The following WWOX variants were observed in gnomAD, a reference collection of about 807,000 sequenced individuals.
WWOX encodes WW domain-containing oxidoreductase.
A neutral mutation model predicts 46.2 loss-of-function variants in WWOX; 69 were observed. The ratio of observed to expected loss-of-function variants is 1.49; its 90% CI spans 1.23 to 1.82. WWOX has a LOEUF of 1.82. Among genes scored for constraint, WWOX ranks in the 40% most tolerant of loss-of-function variants. The pLI is 0.00. For synonymous variants in WWOX, 359 were observed against 202.6 expected, an observed-to-expected ratio of 1.77 and a Z score of -6.56; for missense variants, 919 against 542.6, an observed-to-expected ratio of 1.69 and a Z score of -6.89.
At chr16:78,649,962 C>G (rs1351142370) in intron 8 of WWOX, among the ~76,000 whole-genome samples, 1 of 151,594 alleles carries the variant, frequency 6.6e-6, no homozygotes, top group African/African-American at 2.4e-5. Flanking sequence ...TTTCTCTTAT[C>G]TGTAATTCTA....
chr16:78,249,258 C>T (rs2037914460), intron 5 of WWOX, among the ~76,000 whole-genome samples: 1 of 152,122 alleles, frequency 6.6e-6, no homozygotes, highest in Non-Finnish European at 1.5e-5. Context: ...CCAGGAAGTC[C>T]GCCTCCAGAG....
At chr16:79,032,328 ATAT>A (rs2047779103) in intron 8 of WWOX, among the ~76,000 whole-genome samples, 1 of 146,430 alleles carries the variant, frequency 6.8e-6, no homozygotes, top group African/African-American at 2.5e-5. Context: ...TCTATATATT[ATAT>A]TATAATGTAT....
At chr16:78,322,576 T>A (rs1409067305) in intron 5 of WWOX, among the ~76,000 whole-genome samples, 1 of 152,202 alleles carries the variant, frequency 6.6e-6, no homozygotes, top group Non-Finnish European at 1.5e-5. Flanking sequence ...TCAGTGAGTG[T>A]GAGAGGTACA....
rs1365838758 is a variant in WWOX, at chr16:78,334,927, A to T, written c.517-51933A>T. On this transcript the variant is annotated intron_variant, in intron 5 of 8. Coordinates refer to ENST00000566780, the MANE Select transcript of WWOX (RefSeq NM_016373.4). ...TTGAGGAGATACCATCTTTTTTTAA[A>T]AAAAAAAAAAAGGCAGCAAAATGTG... Among the ~76,000 whole-genome samples the T allele has an allele frequency of 5.3e-4, 68 of 129,090 alleles. 1 individual carries two copies. Among genetic ancestry groups the T allele is most frequent in the African/African-American group, 2.6e-3 (62 of 23,570 alleles). 84.7% of individuals were successfully genotyped at this position (129,090 alleles called of 152,430 possible). A position where few individuals can be genotyped will look rare whatever the true frequency, so the allele number is the denominator to read the frequency against.
At chr16:78,719,430 A>G (rs893402251) in intron 8 of WWOX, among the ~76,000 whole-genome samples, 1 of 152,240 alleles carries the variant, frequency 6.6e-6, no homozygotes, top group Non-Finnish European at 1.5e-5. Context: ...GGCATGCACA[A>G]TTTCGGGTGG....
rs565676391 is a variant in WWOX, at chr16:78,345,200, C to G, written c.517-41660C>G. On this transcript the variant is annotated intron_variant, in intron 5 of 8. Transcript: ENST00000566780. ...ATACAGAGTGCAGGCCTCAGAACTG[C>G]AGAACATCTGCACAATCTCCAGCAA... is the stretch of plus-strand genomic sequence containing the variant. Among the ~76,000 whole-genome samples, 38 of 117,512 alleles carry G rather than the reference C, an allele frequency of 3.2e-4. 12 individuals carry two copies. Among genetic ancestry groups the G allele is most frequent in the Non-Finnish European group, 7.1e-4 (35 of 49,640 alleles). The allele number at this position is 117,512 out of a possible 152,430, so 77.1% of individuals were successfully genotyped here. A position where few individuals can be genotyped will look rare whatever the true frequency, so the allele number is the denominator to read the frequency against.
At chr16:78,821,127 C>G (rs1375369247) in intron 8 of WWOX, among the ~76,000 whole-genome samples, 3 of 152,212 alleles carry the variant, frequency 2.0e-5, no homozygotes, top group African/African-American at 7.2e-5. Context: ...TGCACTGCAT[C>G]AAACGTATGG....
chr16:78,697,006 A>G (rs1009286006), intron 8 of WWOX, among the ~76,000 whole-genome samples: 4 of 152,132 alleles, frequency 2.6e-5, no homozygotes, highest in Non-Finnish European at 4.4e-5. Context: ...ATTCCTTTTC[A>G]TGGCTGAGTA....
At chr16:78,522,158 A>AC (rs985397830) in intron 8 of WWOX, among the ~76,000 whole-genome samples, 4 of 151,976 alleles carry the variant, frequency 2.6e-5, no homozygotes, top group Non-Finnish European at 5.9e-5. Context: ...AAAAAAAAAA[A>AC]AAACTTCAGA....
intron 5 of WWOX, among the ~76,000 whole-genome samples, chr16:78,237,054 A>G (rs1407419149): frequency 6.9e-6 from 1 of 145,726 alleles, no homozygotes; most frequent in Non-Finnish European, 1.5e-5. Context: ...AGCCTGGGTG[A>G]CAGAGTGAGA....
intron 8 of WWOX, among the ~76,000 whole-genome samples, chr16:78,843,396 C>T (rs770401893): frequency 6.7e-6 from 1 of 150,034 alleles, no homozygotes; most frequent in African/African-American, 2.4e-5. Flanking sequence ...GTTGACTTAA[C>T]AAAGCCAATC....
intron 8 of WWOX, among the ~76,000 whole-genome samples, chr16:78,885,158 C>G (rs1004607544): frequency 3.3e-5 from 5 of 150,846 alleles, no homozygotes; most frequent in Middle Eastern, 3.2e-3. Context: ...TACGAGCTCC[C>G]TCATGGTTGC....
intron 8 of WWOX, among the ~76,000 whole-genome samples, chr16:78,984,455 C>T (rs935234396): frequency 2.6e-5 from 4 of 152,180 alleles, no homozygotes; most frequent in African/African-American, 9.6e-5. Context: ...GCAAAAGCAG[C>T]TGTAGACAGT....
At chr16:79,185,209 C>T (rs1366715222) in intron 8 of WWOX, among the ~76,000 whole-genome samples, 1 of 152,178 alleles carries the variant, frequency 6.6e-6, no homozygotes, top group African/African-American at 2.4e-5. Context: ...AATACTTGGA[C>T]TTACAGTCCC....
At chr16:79,049,834 CAAA>C (rs34371278) in intron 8 of WWOX, among the ~76,000 whole-genome samples, 40 of 78,674 alleles carry the variant, frequency 5.1e-4, no homozygotes, top group South Asian at 8.3e-4. Context: ...GACTCTGTCT[CAAA>C]AAAAAAAAAA....
At chr16:78,427,542 G>A (rs574066635) in intron 7 of WWOX, among the ~76,000 whole-genome samples, 245 of 150,110 alleles carry the variant, frequency 1.6e-3, no homozygotes, top group African/African-American at 3.4e-3. Flanking sequence ...ACGCACGCAC[G>A]CACACACACA....
At chr16:78,126,986 C>T (rs1038725404) in intron 4 of WWOX, among the ~76,000 whole-genome samples, 1 of 152,170 alleles carries the variant, frequency 6.6e-6, no homozygotes, top group Admixed American at 6.5e-5. Flanking sequence ...TGTACCATTG[C>T]TGAAAATAGC....
At chr16:78,245,787 A>G (rs192832173) in intron 5 of WWOX, among the ~76,000 whole-genome samples, 112 of 152,310 alleles carry the variant, frequency 7.4e-4, no homozygotes, top group African/African-American at 2.6e-3. Flanking sequence ...CAGCGCAGAC[A>G]ATATTCTTCC....
At chr16:78,810,210 C>G (rs1302754275) in intron 8 of WWOX, among the ~76,000 whole-genome samples, 1 of 152,180 alleles carries the variant, frequency 6.6e-6, no homozygotes, top group African/African-American at 2.4e-5. Context: ...CAAAACTACA[C>G]TGAAAATTTC....
Sources: gnomAD v4.1 joint callset for allele counts (sites outside exome capture counted in the v4.1 genomes callset) on GRCh38, gnomAD v4.1.1 for gene constraint, MANE v1.5 for transcripts, NCBI Gene and HGNC (gene_info 2026-07-23, HGNC 2026-07-21) for gene names.